The following ERC1 variants were observed in gnomAD, a reference collection of about 807,000 sequenced individuals.
The protein encoded by ERC1 is ELKS/RAB6-interacting/CAST family member 1, also known as RAB6 interacting protein 2.
A neutral mutation model predicts 132.0 loss-of-function variants in ERC1; 56 were observed. That is an observed-to-expected ratio of 0.42 (90% CI 0.34 to 0.53). The LOEUF (loss-of-function observed/expected upper bound fraction) is 0.53, where lower values mean the gene tolerates loss of function less well. Among genes scored for constraint, ERC1 ranks in the 20% least tolerant of loss-of-function variants. ERC1 has a pLI of 0.03. For missense variants in ERC1, 1,202 were observed against 1,349.9 expected, an observed-to-expected ratio of 0.89 and a Z score of 1.72; for synonymous variants, 478 against 476.1, an observed-to-expected ratio of 1.00 and a Z score of -0.05.
At chr12:1,382,557 A>G (rs368633777) in intron 16 of ERC1, among the ~76,000 whole-genome samples, 1 of 152,246 alleles carries the variant, frequency 6.6e-6, no homozygotes, top group Non-Finnish European at 1.5e-5. Context: ...TTTAACACAA[A>G]TAAGGCCACA....
chr12:1,196,979 T>A (rs1319858403), intron 12 of ERC1, among the ~76,000 whole-genome samples: 811 of 59,344 alleles, frequency 0.014, 33 homozygotes, highest in Non-Finnish European at 0.02. Flanking sequence ...TATATATATT[T>A]TTTTTTTTTT....
At chr12:1,113,311 C>A (rs947886810) in intron 6 of ERC1, among the ~76,000 whole-genome samples, 1 of 152,110 alleles carries the variant, frequency 6.6e-6, no homozygotes, top group Non-Finnish European at 1.5e-5. Flanking sequence ...CATTTTATAA[C>A]GTGCTGAGTT....
chr12:1,031,471 A>G (rs528131591), intron 2 of ERC1, among the ~76,000 whole-genome samples: 1 of 152,316 alleles, frequency 6.6e-6, no homozygotes, highest in Non-Finnish European at 1.5e-5. Context: ...TCTAGTTAAT[A>G]TCACAGGGCC....
In ERC1 at chr12:1,495,276, A is replaced by G; in HGVS notation, c.*5046A>G. On this transcript the variant is annotated 3_prime_UTR_variant, in exon 19 of 19. Coordinates refer to ENST00000360905, the MANE Select transcript of ERC1 (RefSeq NM_178040.4). ...AGCCTGGAGCCTGCAATCCAGGTGG[A>G]ACAGACTGTCCTCCATGTCAGTTCC... 2 of 230,100 alleles carry G rather than the reference A, an allele frequency of 8.7e-6. 1 individual carries two copies. Among genetic ancestry groups the G allele is most frequent in the East Asian group, 1.2e-4 (2 of 16,262 alleles). The allele number at this position is 230,100 out of a possible 1,614,324, so 14.3% of individuals were successfully genotyped here.
chr12:1,145,796 C>A (rs1317371454), intron 8 of ERC1, among the ~76,000 whole-genome samples: 2 of 152,118 alleles, frequency 1.3e-5, no homozygotes, highest in Non-Finnish European at 2.9e-5. Flanking sequence ...ATGTGGCTTG[C>A]CAGTTATCCC....
chr12:1,160,720 C>G (rs1189775691), intron 8 of ERC1, among the ~76,000 whole-genome samples: 1 of 152,030 alleles, frequency 6.6e-6, no homozygotes, highest in African/African-American at 2.4e-5. Context: ...AAAAAAAAAT[C>G]AAATCTAAGA....
intron 17 of ERC1, among the ~76,000 whole-genome samples, chr12:1,424,163 G>T (rs1349925855): frequency 6.6e-6 from 1 of 152,104 alleles, no homozygotes; most frequent in African/African-American, 2.4e-5. Context: ...CTGAGCGTTG[G>T]TCCTAGCCTT....
chr12:1,054,720 T>C (rs1407367082), intron 2 of ERC1, among the ~76,000 whole-genome samples: 1 of 152,176 alleles, frequency 6.6e-6, no homozygotes, highest in Non-Finnish European at 1.5e-5. Context: ...AAGCATTGTC[T>C]AATCAGTCTG....
intron 1 of ERC1, among the ~76,000 whole-genome samples, chr12:1,010,736 C>G (rs900885504): frequency 2.0e-5 from 3 of 151,846 alleles, no homozygotes; most frequent in Non-Finnish European, 4.4e-5. Context: ...TGGCCTTGAA[C>G]TCCTGACCTC....
chr12:1,110,421 A>G (rs1473217317), intron 5 of ERC1, 74 bp downstream of exon 5: 9 of 1,236,026 alleles, frequency 7.3e-6, no homozygotes, highest in Non-Finnish European at 1.0e-5. Flanking sequence ...TTCTCTAGTG[A>G]TGATAAAGCC....
intron 15 of ERC1, among the ~76,000 whole-genome samples, chr12:1,369,740 GTT>G (rs1423412782): frequency 6.6e-6 from 1 of 152,134 alleles, no homozygotes; most frequent in Non-Finnish European, 1.5e-5. Flanking sequence ...TCCCTTTAGT[GTT>G]GACTGGATCC....
At chr12:1,409,327 C>T (rs1012729081) in intron 17 of ERC1, among the ~76,000 whole-genome samples, 2 of 152,174 alleles carry the variant, frequency 1.3e-5, no homozygotes, top group East Asian at 3.8e-4. Context: ...TGCCTGCTTC[C>T]TGATACCTGG....
intron 15 of ERC1, among the ~76,000 whole-genome samples, chr12:1,296,025 AAC>A (rs2079902441): frequency 8.2e-6 from 1 of 121,600 alleles, no homozygotes; most frequent in African/African-American, 2.6e-5. Flanking sequence ...AAAAAAAAAA[AAC>A]AACTAAATTC....
At chr12:1,326,379 G>A (rs1443194346) in intron 15 of ERC1, among the ~76,000 whole-genome samples, 1 of 152,112 alleles carries the variant, frequency 6.6e-6, no homozygotes, top group Admixed American at 6.5e-5. Context: ...GTCAGACTGG[G>A]ATAATCATGA....
intron 15 of ERC1, among the ~76,000 whole-genome samples, chr12:1,315,489 T>A (rs2081622286): frequency 2.0e-5 from 3 of 151,870 alleles, no homozygotes; most frequent in African/African-American, 7.3e-5. Flanking sequence ...TATCTGGGAT[T>A]ACAGGTGCCC....
At chr12:1,034,392 A>C (rs1459032822) in intron 2 of ERC1, among the ~76,000 whole-genome samples, 1 of 152,144 alleles carries the variant, frequency 6.6e-6, no homozygotes, top group East Asian at 1.9e-4. Flanking sequence ...CCTGGGCAAC[A>C]TAGTGAGACC....
intron 3 of ERC1, among the ~76,000 whole-genome samples, chr12:1,091,485 A>G (rs1943209230): frequency 6.6e-6 from 1 of 152,192 alleles, no homozygotes; most frequent in Non-Finnish European, 1.5e-5. Context: ...GGGCAAGAAT[A>G]TACTGTATAA....
At chr12:1,128,044 G>A (rs140804377) in intron 7 of ERC1, among the ~76,000 whole-genome samples, 2 of 152,308 alleles carry the variant, frequency 1.3e-5, no homozygotes, top group Non-Finnish European at 2.9e-5. Context: ...TCATCATGCA[G>A]GTTTGAGTTT....
chr12:1,221,437 C>T (rs1369219644), intron 12 of ERC1, among the ~76,000 whole-genome samples: 2 of 152,162 alleles, frequency 1.3e-5, no homozygotes, highest in Non-Finnish European at 2.9e-5. Context: ...AATTATCCTG[C>T]AGTTTCCTTG....
Sources: allele counts gnomAD v4.1 joint callset (sites outside exome capture counted in the v4.1 genomes callset), GRCh38; gene constraint gnomAD v4.1.1; transcripts MANE v1.5; gene names NCBI Gene and HGNC (gene_info 2026-07-23, HGNC 2026-07-21).